Variants in PTPRA observed in about 807,000 individuals in gnomAD.
PTPRA encodes protein tyrosine phosphatase receptor type A, also known as receptor-type tyrosine-protein phosphatase alpha.
PTPRA carries 25 observed loss-of-function variants against 104.8 expected under a neutral mutation model. The observed-to-expected ratio is 0.24, with a 90% CI of 0.17 to 0.33. The LOEUF is 0.33. PTPRA is among the 10% of genes least tolerant of loss of function. The pLI, the probability that PTPRA is intolerant of heterozygous loss-of-function variation, is 1.00. For missense variants in PTPRA, 765 were observed against 1,015.3 expected (o/e 0.75, Z 3.35); for synonymous variants, 323 against 368.9 (o/e 0.88, Z 1.43).
intron 1 of PTPRA, among the ~76,000 whole-genome samples, chr20:2,917,062 A>G (rs1192977401): frequency 2.0e-5 from 3 of 150,838 alleles, no homozygotes; most frequent in Admixed American, 6.6e-5. Flanking sequence ...GGTTCAAGCA[A>G]TTCTCCTGCC....
intron 9 of PTPRA, among the ~76,000 whole-genome samples, chr20:2,998,183 A>C (rs2063479554): frequency 6.6e-6 from 1 of 151,960 alleles, no homozygotes; most frequent in African/African-American, 2.4e-5. Context: ...GTCTCAAAAA[A>C]AAAAAAAAAA....
chr20:2,864,506 T>G, the PTPRA span: 1 of 1,613,954 alleles, frequency 6.2e-7, no homozygotes, highest in Non-Finnish European at 8.5e-7. The surrounding 1 kb of genome is among the most constrained non-coding windows in gnomAD (Gnocchi z 5.2). Flanking sequence ...TCTGAGCACT[T>G]GAGTTGGCCT....
intron 20 of PTPRA, among the ~76,000 whole-genome samples, chr20:3,032,593 C>T (rs1430578231): frequency 1.3e-5 from 2 of 151,860 alleles, no homozygotes; most frequent in East Asian, 1.9e-4. Flanking sequence ...TGGCAAAACC[C>T]CATCTCTACT....
intron 20 of PTPRA, among the ~76,000 whole-genome samples, chr20:3,029,135 T>TTTTG (rs71195812): frequency 0.51 from 67,453 of 131,462 alleles, 17,287 homozygotes; most frequent in East Asian, 0.85. Flanking sequence ...TTTTTTTTGG[T>TTTTG]TTTGTTTGTT....
At chr20:2,909,880 T>C (rs2059576691) in intron 1 of PTPRA, among the ~76,000 whole-genome samples, 1 of 130,598 alleles carries the variant, frequency 7.7e-6, no homozygotes, top group Non-Finnish European at 1.6e-5. Context: ...AATTAAAATA[T>C]ATTAATTATA....
intron 2 of PTPRA, among the ~76,000 whole-genome samples, chr20:2,943,206 T>TCCCCCCCCC (rs147898735): frequency 2.1e-5 from 2 of 97,148 alleles, no homozygotes; most frequent in African/African-American, 7.1e-5. Flanking sequence ...TTGGAACATA[T>TCCCCCCCCC]CCCCCCACCC....
At position 2,874,044 on chromosome 20, in the gene PTPRA, A is replaced by C. The variant is rs193221594; in HGVS notation, c.-129+284A>C. ...TGGGACCAGGCCAGGGCACTGCCAG[A>C]GTTGATTCTCAGAGAAGAAACTTAG... On this transcript the variant is annotated intron_variant, in intron 1 of 23. Transcript: ENST00000399903. 2.5e-3 allele frequency among the ~76,000 whole-genome samples: 376 copies of C among 152,316 alleles called. 4 individuals are homozygous for C. Among genetic ancestry groups the C allele is most frequent in the African/African-American group, 8.4e-3 (348 of 41,586 alleles).
At chr20:2,991,411 C>T (rs6051515) in intron 9 of PTPRA, among the ~76,000 whole-genome samples, 3,176 of 152,106 alleles carry the variant, frequency 0.021, 92 homozygotes, top group African/African-American at 0.06. Flanking sequence ...GACAGCACTC[C>T]AGCCTCAGTA....
chr20:2,990,586 G>A (rs1422992729), intron 9 of PTPRA, among the ~76,000 whole-genome samples: 1 of 152,090 alleles, frequency 6.6e-6, no homozygotes, highest in African/African-American at 2.4e-5. Flanking sequence ...ACAAAAATTA[G>A]CTGAGCATAG....
intron 2 of PTPRA, among the ~76,000 whole-genome samples, chr20:2,929,649 A>T (rs1272585359): frequency 6.6e-6 from 1 of 151,988 alleles, no homozygotes; most frequent in Non-Finnish European, 1.5e-5. Context: ...ACATGGGGAG[A>T]TCCCATCTCT....
chr20:2,940,973 G>A (rs1455862932), intron 2 of PTPRA, among the ~76,000 whole-genome samples: 3 of 151,734 alleles, frequency 2.0e-5, no homozygotes, highest in Admixed American at 2.0e-4. Context: ...CTAGGTATTT[G>A]TGAGATATTT....
intron 2 of PTPRA, among the ~76,000 whole-genome samples, chr20:2,943,418 G>A (rs1001118940): frequency 6.6e-6 from 1 of 152,024 alleles, no homozygotes; most frequent in African/African-American, 2.4e-5. Context: ...CCTCTTGCGT[G>A]GGGAAGGTCA....
intron 2 of PTPRA, among the ~76,000 whole-genome samples, chr20:2,938,316 C>A (rs1335952386): frequency 6.6e-6 from 1 of 152,140 alleles, no homozygotes; most frequent in Non-Finnish European, 1.5e-5. Context: ...ACCCAAGTAG[C>A]TGGGATTACA....
At chr20:2,916,074 C>T (rs1253141912) in intron 1 of PTPRA, among the ~76,000 whole-genome samples, 1 of 152,142 alleles carries the variant, frequency 6.6e-6, no homozygotes, top group Non-Finnish European at 1.5e-5. Flanking sequence ...GGGTCTTGCT[C>T]TGTGCTGCAG....
chr20:3,010,946 T>C (rs887423033), intron 11 of PTPRA, among the ~76,000 whole-genome samples: 1 of 152,244 alleles, frequency 6.6e-6, no homozygotes, highest in Non-Finnish European at 1.5e-5. Flanking sequence ...GGAATGGATT[T>C]GAGTTAGTAA....
At chr20:2,975,652 T>C in intron 6 of PTPRA, among the ~76,000 whole-genome samples, 1 of 152,196 alleles carries the variant, frequency 6.6e-6, no homozygotes, top group East Asian at 1.9e-4. Flanking sequence ...TGTGGCTTTA[T>C]ATGGATTTTA....
chr20:2,939,923 A>G (rs1215314738), intron 2 of PTPRA, among the ~76,000 whole-genome samples: 1 of 152,230 alleles, frequency 6.6e-6, no homozygotes, highest in Non-Finnish European at 1.5e-5. Context: ...CCTGGCCAAC[A>G]TGGTGAAACC....
rs1030820295 is a variant in PTPRA, at chr20:3,009,884, C to T, written c.906+2464C>T. ...TTTTTTTCTGGAGACAGTCTCACCCCGACACCCAGGCTGGATTGCACTGGT... is the reference window on the plus strand; with the variant it reads ...TTTTTTTCTGGAGACAGTCTCACCCTGACACCCAGGCTGGATTGCACTGGT... On this transcript the variant is annotated intron_variant, in intron 11 of 23. Coordinates refer to ENST00000399903, the MANE Select transcript of PTPRA (RefSeq NM_001385305.1). Among the ~76,000 whole-genome samples, 7 of 151,940 alleles carry T rather than the reference C, an allele frequency of 4.6e-5. No homozygotes were observed. The South Asian group carries it at 1.0e-3, about 23-fold the overall frequency.
intron 1 of PTPRA, among the ~76,000 whole-genome samples, chr20:2,907,338 T>C (rs2059463550): frequency 1.3e-5 from 2 of 152,146 alleles, no homozygotes; most frequent in African/African-American, 4.8e-5. Context: ...GATAAAACTT[T>C]AGTACAGCTC....
Sources: gnomAD v4.1 joint callset for allele counts (sites outside exome capture counted in the v4.1 genomes callset) on GRCh38, gnomAD v4.1.1 for gene constraint, Gnocchi (gnomAD v3.1) non-coding constraint, MANE v1.5 for transcripts, NCBI Gene and HGNC (gene_info 2026-07-23, HGNC 2026-07-21) for gene names.